The following ADGRL4 variants were observed in gnomAD, a reference collection of about 807,000 sequenced individuals.
ADGRL4 encodes EGF, latrophilin and seven transmembrane domain containing 1.
A neutral mutation model predicts 74.8 loss-of-function variants in ADGRL4; 90 were observed. That is an observed-to-expected ratio of 1.20 (90% CI 1.02 to 1.43). The LOEUF (loss-of-function observed/expected upper bound fraction) is 1.43. Among genes scored for constraint, ADGRL4 ranks in the 40% most tolerant of loss-of-function variants. The pLI, the probability that ADGRL4 is intolerant of heterozygous loss-of-function variation, is 0.00. For synonymous variants in ADGRL4, 311 were observed against 279.2 expected (o/e 1.11, Z -1.14); for missense variants, 881 against 814.3 (o/e 1.08, Z -1.00).
chr1:78,899,055 C>T (rs765910592), intron 12 of ADGRL4, among the ~76,000 whole-genome samples: 29 of 152,140 alleles, frequency 1.9e-4, no homozygotes, highest in Non-Finnish European at 4.0e-4. Context: ...TTGATGAAGC[C>T]ATCTATATGA....
chr1:78,891,427 A>G, intron 14 of ADGRL4, 97 bp downstream of exon 14: 1 of 1,352,522 alleles, frequency 7.4e-7, no homozygotes, highest in Non-Finnish European at 1.0e-6. Context: ...CAATAAAGGC[A>G]GAAGTCATAA....
chr1:78,968,516 G>A (rs1650102984), intron 2 of ADGRL4, among the ~76,000 whole-genome samples: 3 of 132,128 alleles, frequency 2.3e-5, no homozygotes, highest in Non-Finnish European at 4.9e-5. Flanking sequence ...GGGGGTGGGG[G>A]GGAGACGGGG....
At chr1:78,957,017 A>G (rs72675867) in intron 2 of ADGRL4, among the ~76,000 whole-genome samples, 2,399 of 152,204 alleles carry the variant, frequency 0.016, 36 homozygotes, top group Non-Finnish European at 0.022. Flanking sequence ...CATGATCACT[A>G]TACTAGTTAT....
rs754769582 is a variant in ADGRL4, at chr1:78,891,061, T to C, written c.*93A>G. Reference sequence around the variant, plus strand: ...TACTTTTTGTCTAGTAGTTAATAATTGGATAATTTGATGAGTCATTTTTAT... The same window carrying C: ...TACTTTTTGTCTAGTAGTTAATAATCGGATAATTTGATGAGTCATTTTTAT... On this transcript the variant is annotated 3_prime_UTR_variant, in exon 15 of 15. Coordinates refer to ENST00000370742, the MANE Select transcript of ADGRL4 (RefSeq NM_022159.4). 4.8e-6 allele frequency: 6 copies of C among 1,253,772 alleles called. No homozygotes were observed. The highest frequency in any genetic ancestry group is 2.3e-6 in the Non-Finnish European group (2 of 855,614). The allele number at this position is 1,253,772 out of a possible 1,614,324, so 77.7% of individuals were successfully genotyped here.
intron 2 of ADGRL4, among the ~76,000 whole-genome samples, chr1:78,960,016 T>C (rs1050437669): frequency 6.6e-6 from 1 of 152,202 alleles, no homozygotes; most frequent in Non-Finnish European, 1.5e-5. Context: ...AATAACATTT[T>C]GAAGAATACT....
At chr1:78,944,903 G>C (rs1341608927) in intron 3 of ADGRL4, among the ~76,000 whole-genome samples, 1 of 152,148 alleles carries the variant, frequency 6.6e-6, no homozygotes, top group Non-Finnish European at 1.5e-5. Context: ...TTGTGTCATA[G>C]CTTACCATCC....
At chr1:78,894,231 A>T (rs1648347127) in intron 12 of ADGRL4, among the ~76,000 whole-genome samples, 1 of 151,890 alleles carries the variant, frequency 6.6e-6, no homozygotes, top group Non-Finnish European at 1.5e-5. Flanking sequence ...TCTCAAAATG[A>T]AATTTAGCAT....
At position 78,954,176 on chromosome 1, in the gene ADGRL4, T is replaced by TAAATAAC. The variant is rs1557511119; in HGVS notation, c.173-7751_173-7750insGTTATTT. Among the ~76,000 whole-genome samples, 300 of 151,750 alleles carry TAAATAAC rather than the reference T, an allele frequency of 2.0e-3. 2 individuals are homozygous for TAAATAAC. Among genetic ancestry groups the TAAATAAC allele is most frequent in the African/African-American group, 6.9e-3 (285 of 41,342 alleles). ...AATAAATAAATAAATAAATAAATAA[T>TAAATAAC]AAATAAATAGTCTGCACCTAGTAGG... On this transcript the variant is annotated intron_variant, in intron 2 of 14. Coordinates refer to ENST00000370742, the MANE Select transcript of ADGRL4 (RefSeq NM_022159.4).
At chr1:78,930,132 AAT>A (rs1406742812) in intron 7 of ADGRL4, among the ~76,000 whole-genome samples, 2 of 151,480 alleles carry the variant, frequency 1.3e-5, no homozygotes, top group Non-Finnish European at 2.9e-5. Context: ...CTTTTTATGA[AAT>A]AGTGTCTCTC....
At chr1:78,947,080 A>T (rs996054444) in intron 2 of ADGRL4, among the ~76,000 whole-genome samples, 1 of 152,204 alleles carries the variant, frequency 6.6e-6, no homozygotes, top group Non-Finnish European at 1.5e-5. Context: ...GAGCAGATTT[A>T]TATTATCTGT....
chr1:78,997,760 T>C lies in ADGRL4; in HGVS notation c.172+7310A>G, dbSNP rs1033523259. Among the ~76,000 whole-genome samples, 3 of 151,590 alleles carry C rather than the reference T, an allele frequency of 2.0e-5. No homozygotes were observed. The South Asian group carries it at 6.3e-4, about 32-fold the overall frequency. ...TTAAATGACTCTCATATTTATAATT[T>C]AAAAAAAAATGTGATTATCACAGGT... On this transcript the variant is annotated intron_variant, in intron 2 of 14. Transcript: ENST00000370742.
At chr1:78,992,450 T>A (rs1291118860) in intron 2 of ADGRL4, among the ~76,000 whole-genome samples, 2 of 151,984 alleles carry the variant, frequency 1.3e-5, no homozygotes, top group African/African-American at 4.8e-5. Context: ...CCAATAACAC[T>A]CAACATAATC....
At chr1:78,904,048 T>C (rs1282631356) in intron 12 of ADGRL4, among the ~76,000 whole-genome samples, 3 of 151,600 alleles carry the variant, frequency 2.0e-5, no homozygotes, top group Non-Finnish European at 4.4e-5. Context: ...AAATAATACA[T>C]GGAACATAAT....
intron 7 of ADGRL4, among the ~76,000 whole-genome samples, chr1:78,928,627 T>G (rs550058694): frequency 3.3e-5 from 5 of 151,546 alleles, no homozygotes; most frequent in African/African-American, 1.2e-4. Context: ...GAACCAGAGA[T>G]AGCCTTCAAT....
rs558637147 is a variant in ADGRL4, at chr1:78,899,003, C to G, written c.1750-5814G>C. Among the ~76,000 whole-genome samples the G allele has an allele frequency of 5.9e-5, 9 of 152,242 alleles. No homozygotes were observed. The South Asian group carries it at 1.0e-3, about 18-fold the overall frequency. On this transcript the variant is annotated intron_variant, in intron 12 of 14. Coordinates refer to ENST00000370742, the MANE Select transcript of ADGRL4 (RefSeq NM_022159.4). Reference sequence around the variant, plus strand: ...AAAATCAGACTTCAAAATGAAGCATCCCAATCAGTCATTTTTCTTTTCATA... The same window carrying G: ...AAAATCAGACTTCAAAATGAAGCATGCCAATCAGTCATTTTTCTTTTCATA...
chr1:78,910,393 G>A (rs1308013048), intron 12 of ADGRL4, among the ~76,000 whole-genome samples: 1 of 151,884 alleles, frequency 6.6e-6, no homozygotes, highest in Non-Finnish European at 1.5e-5. Context: ...GATTTGAAAA[G>A]AAGTTGGTAA....
At chr1:78,893,968 A>C (rs932488478) in intron 12 of ADGRL4, among the ~76,000 whole-genome samples, 2 of 151,872 alleles carry the variant, frequency 1.3e-5, no homozygotes, top group Non-Finnish European at 2.9e-5. Flanking sequence ...TGAAGGGTAT[A>C]TGTTAAATGT....
intron 3 of ADGRL4, among the ~76,000 whole-genome samples, chr1:78,944,702 A>G (rs1471411921): frequency 6.6e-6 from 1 of 152,210 alleles, no homozygotes; most frequent in Admixed American, 6.5e-5. Flanking sequence ...TTTTAGATAC[A>G]AGACTGTGAG....
chr1:78,997,372 A>G (rs990797243), intron 2 of ADGRL4, among the ~76,000 whole-genome samples: 3 of 152,082 alleles, frequency 2.0e-5, no homozygotes, highest in East Asian at 1.9e-4. Flanking sequence ...TTTAACCTCA[A>G]TCTTATGGTG....
Sources: allele counts gnomAD v4.1 joint callset (sites outside exome capture counted in the v4.1 genomes callset), GRCh38; gene constraint gnomAD v4.1.1; transcripts MANE v1.5; gene names NCBI Gene and HGNC (gene_info 2026-07-23, HGNC 2026-07-21).